TRMT44: variants seen among roughly 807,000 people sequenced by gnomAD.
TRMT44 encodes probable tRNA (uracil-O(2)-)-methyltransferase.
TRMT44 carries 78 observed loss-of-function variants against 77.3 expected under a neutral mutation model. The ratio of observed to expected loss-of-function variants is 1.01; its 90% confidence interval spans 0.84 to 1.22. The LOEUF (loss-of-function observed/expected upper bound fraction) is 1.22, where lower values mean the gene tolerates loss of function less well. TRMT44 is among the 50% of genes most tolerant of loss of function. TRMT44 has a pLI of 0.00. For missense variants in TRMT44, 1,090 were observed against 964.4 expected (o/e 1.13, Z -1.73); for synonymous variants, 391 against 383.3 (o/e 1.02, Z -0.23).
At position 8,465,534 on chromosome 4, in the gene TRMT44, C is replaced by G; in HGVS notation, c.1467C>G (p.Asp489Glu). Reference sequence around the variant, plus strand: ...CCTGTGGGTTTCACGTGGACGAAGACTGCCTCAGGATTCCTTCAACCAAAA... The same window carrying G: ...CCTGTGGGTTTCACGTGGACGAAGAGTGCCTCAGGATTCCTTCAACCAAAA... Reference protein sequence around the residue: ...GFTCGFHVDEDCLRIPSTKRV... With the variant: ...GFTCGFHVDEECLRIPSTKRV... The change falls in exon 8 of 11, where the codon GAC becomes GAG. Residue 489 changes from aspartate (D) to glutamate (E), a missense_variant. Coordinates refer to ENST00000389737, the MANE Select transcript of TRMT44 (RefSeq NM_152544.3). 1.2e-6 allele frequency: 2 copies of G among 1,613,484 alleles called. No individual in the cohort carries two copies. Among genetic ancestry groups the G allele is most frequent in the Non-Finnish European group, 1.7e-6 (2 of 1,179,774 alleles).
intron 6 of TRMT44, 142 bp from the exon 7 acceptor site, chr4:8,463,843 C>A (rs537907396): frequency 2.3e-4 from 153 of 671,806 alleles, no homozygotes; most frequent in Non-Finnish European, 3.4e-4. Context: ...CCCCGCTCTT[C>A]CCCGCTCTTG....
chr4:8,445,366 C>T (rs1032893425), intron 1 of TRMT44, among the ~76,000 whole-genome samples: 1 of 152,226 alleles, frequency 6.6e-6, no homozygotes, highest in African/African-American at 2.4e-5. Context: ...TCTGGTCTCA[C>T]TCACAGTAAA....
At position 8,449,702 on chromosome 4, in the gene TRMT44, A is replaced by G. The variant is rs1219978940; in HGVS notation, c.768A>G (p.Arg256=). 3 of 1,535,976 alleles carry G rather than the reference A, an allele frequency of 2.0e-6. No individual in the cohort carries two copies. In the African/African-American group the frequency reaches 4.1e-5, roughly 21 times the overall value. The change falls in exon 3 of 11, where the codon AGA becomes AGG. Residue 256 remains arginine, a synonymous_variant. Transcript: ENST00000389737. Reference sequence around the variant, plus strand: ...CTGTTTTAATTTTCTGTCCAGAAAGATGGCATTCAGATGGAATCGTGTATC... The same window carrying G: ...CTGTTTTAATTTTCTGTCCAGAAAGGTGGCATTCAGATGGAATCGTGTATC... ...FISVLIFCPE[R]WHSDGIVYPK...
chr4:8,463,188 A>G (rs1006593061), intron 6 of TRMT44, among the ~76,000 whole-genome samples: 5 of 152,004 alleles, frequency 3.3e-5, no homozygotes, highest in African/African-American at 9.7e-5. Context: ...GACTCATCCT[A>G]CCACTGGAAA....
rs545320502 is a variant in TRMT44, at chr4:8,470,345, G to A, written c.1928-739G>A. On this transcript the variant is annotated intron_variant, in intron 9 of 10. Coordinates refer to ENST00000389737, the MANE Select transcript of TRMT44 (RefSeq NM_152544.3). ...GACAGGCTCAGCTGCATACAGACAGGCGCCGTCTCCTCCGCTCTCCTGCAG... is the reference window on the plus strand; with the variant it reads ...GACAGGCTCAGCTGCATACAGACAGACGCCGTCTCCTCCGCTCTCCTGCAG... Among the ~76,000 whole-genome samples, 14 of 152,328 alleles carry A rather than the reference G, an allele frequency of 9.2e-5. 1 individual carries two copies. The South Asian group carries it at 2.7e-3, about 29-fold the overall frequency.
rs1232379856 is a variant in TRMT44 at position 8,465,494 on chromosome 4, A to C, written c.1427A>C (p.Lys476Thr). ...TACCGGGAATACCTTGACTTCATTAAAGAAGTGGGCTTCACCTGTGGGTTT... is the reference window on the plus strand; with the variant it reads ...TACCGGGAATACCTTGACTTCATTACAGAAGTGGGCTTCACCTGTGGGTTT... ...TQYREYLDFI[K>T]EVGFTCGFHV... The change falls in exon 8 of 11, where the codon AAA becomes ACA. Residue 476 changes from lysine to threonine, a missense_variant. By Grantham distance (78) the Lys-to-Thr change is moderately conservative. Coordinates refer to ENST00000389737, the MANE Select transcript of TRMT44 (RefSeq NM_152544.3). 6.2e-7 allele frequency: 1 copy of C among 1,614,164 alleles called. No homozygotes were observed. The highest frequency in any genetic ancestry group is 8.5e-7 in the Non-Finnish European group (1 of 1,180,022).
intron 2 of TRMT44, among the ~76,000 whole-genome samples, chr4:8,447,077 T>C (rs1263501119): frequency 6.6e-6 from 1 of 152,158 alleles, no homozygotes; most frequent in African/African-American, 2.4e-5. Flanking sequence ...GGTTTCGCCA[T>C]GTTGGCCAGG....
chr4:8,505,457 A>C, the TRMT44 span, among the ~76,000 whole-genome samples: 1 of 152,134 alleles, frequency 6.6e-6, no homozygotes, highest in Admixed American at 6.5e-5. Context: ...CCTAGTCTGC[A>C]AGACGTGGTA....
chr4:8,452,858 T>A lies in TRMT44; in HGVS notation c.1024-24T>A. 7.1e-7 allele frequency: 1 copy of A among 1,411,580 alleles called. No individual in the cohort carries two copies. The highest frequency in any genetic ancestry group is 9.6e-7 in the Non-Finnish European group (1 of 1,044,168). The allele number at this position is 1,411,580 out of a possible 1,614,324, so 87.4% of individuals were successfully genotyped here. A position where few individuals can be genotyped will look rare whatever the true frequency, so the allele number is the denominator to read the frequency against. ...CGTAGAGTGAATTACCACCTGACTT[T>A]GTTTTGTTTTTCTCTTCACTTAGAT... On this transcript the variant is annotated intron_variant, in intron 4 of 10. Transcript: ENST00000389737. The surrounding 1 kb of genome is among the most constrained non-coding windows in gnomAD (Gnocchi z 5.7).
intron 9 of TRMT44, among the ~76,000 whole-genome samples, chr4:8,470,699 C>G (rs1489616852): frequency 1.3e-5 from 2 of 152,180 alleles, no homozygotes; most frequent in African/African-American, 4.8e-5. Flanking sequence ...GGCTCAGGCC[C>G]CAGGCTTGCC....
chr4:8,490,163 C>T (rs925310439), intron 2 of TRMT44, among the ~76,000 whole-genome samples: 1 of 152,146 alleles, frequency 6.6e-6, no homozygotes, highest in African/African-American at 2.4e-5. Context: ...GTTCCTTGGC[C>T]ACCCCCACGC....
intron 9 of TRMT44, chr4:8,468,560 A>T: frequency 1.7e-6 from 1 of 604,960 alleles, no homozygotes; most frequent in Non-Finnish European, 2.9e-6. Flanking sequence ...ATTTCCAGGG[A>T]GTGACAGAGT....
chr4:8,475,536 C>T (rs1419038082), intron 10 of TRMT44, among the ~76,000 whole-genome samples: 9 of 152,168 alleles, frequency 5.9e-5, no homozygotes, highest in Admixed American at 2.6e-4. Flanking sequence ...GCAGGGCTGC[C>T]GCTCACTTCC....
the TRMT44 span, chr4:8,510,650 G>A: frequency 6.6e-6 from 1 of 152,568 alleles, no homozygotes; most frequent in African/African-American, 2.4e-5. Flanking sequence ...GTGGACCTCA[G>A]GGGGTGTCAG....
At chr4:8,488,798 G>A (rs1727901383) in intron 2 of TRMT44, among the ~76,000 whole-genome samples, 1 of 152,194 alleles carries the variant, frequency 6.6e-6, no homozygotes, top group African/African-American at 2.4e-5. Flanking sequence ...CTCTTCAGCT[G>A]AAGCTATAGC....
intron 1 of TRMT44, among the ~76,000 whole-genome samples, chr4:8,443,428 T>C (rs148791428): frequency 1.3e-5 from 2 of 152,354 alleles, no homozygotes; most frequent in South Asian, 2.1e-4. Flanking sequence ...AGAGGACTTG[T>C]ATCCTCCATG....
chr4:8,454,132 G>A (rs1197309648), intron 5 of TRMT44, among the ~76,000 whole-genome samples: 1 of 152,112 alleles, frequency 6.6e-6, no homozygotes, highest in Non-Finnish European at 1.5e-5. Flanking sequence ...TGCAAGAAGA[G>A]CCAGCAGCTG....
the TRMT44 span, among the ~76,000 whole-genome samples, chr4:8,508,158 C>T: frequency 6.6e-6 from 1 of 152,174 alleles, no homozygotes; most frequent in East Asian, 1.9e-4. Flanking sequence ...CTGCCTGCCT[C>T]GGCCTCCCAG....
intron 2 of TRMT44, among the ~76,000 whole-genome samples, chr4:8,491,936 G>A (rs144343414): frequency 0.013 from 1,931 of 152,370 alleles, 41 homozygotes; most frequent in African/African-American, 0.043. Context: ...GAGAGCGAGC[G>A]AGGGCTGTGA....
Sources: gnomAD v4.1 joint callset for allele counts (sites outside exome capture counted in the v4.1 genomes callset) on GRCh38, gnomAD v4.1.1 for gene constraint, Gnocchi (gnomAD v3.1) non-coding constraint, MANE v1.5 for transcripts, NCBI Gene and HGNC (gene_info 2026-07-23, HGNC 2026-07-21) for gene names.